Variants in CRIM1 observed in about 807,000 individuals in gnomAD.
CRIM1 encodes the protein cysteine rich transmembrane BMP regulator 1, also known as cysteine-rich motor neuron 1 protein.
CRIM1 carries 32 observed loss-of-function variants against 116.4 expected under a neutral mutation model. The ratio of observed to expected loss-of-function variants is 0.27; its 90% confidence interval spans 0.21 to 0.37. CRIM1 has a LOEUF of 0.37. Among genes scored for constraint, CRIM1 ranks in the 10% least tolerant of loss-of-function variants. The pLI is 1.00. For missense variants in CRIM1, 1,331 were observed against 1,354.8 expected, an observed-to-expected ratio of 0.98 and a Z score of 0.28; for synonymous variants, 590 against 509.2, an observed-to-expected ratio of 1.16 and a Z score of -2.13.
chr2:36,395,175 C>T (rs1671930956), intron 1 of CRIM1, among the ~76,000 whole-genome samples: 1 of 152,056 alleles, frequency 6.6e-6, no homozygotes, highest in South Asian at 2.1e-4. Context: ...CCACCATGTC[C>T]AGCTAATTTT....
At chr2:36,499,071 G>GT in intron 7 of CRIM1, 148 bp from the exon 8 acceptor site, 1 of 635,972 alleles carries the variant, frequency 1.6e-6, no homozygotes, top group African/African-American at 1.8e-5. Context: ...AGGGGTTAAA[G>GT]ATATTACTGG....
chr2:36,435,884 C>G (rs1293728623), intron 2 of CRIM1, among the ~76,000 whole-genome samples: 1 of 149,300 alleles, frequency 6.7e-6, no homozygotes, highest in Admixed American at 6.7e-5. Context: ...ACTTCTGTTG[C>G]AAGTGATATT....
At chr2:36,533,242 G>T (rs756887678) in intron 13 of CRIM1, among the ~76,000 whole-genome samples, 1 of 151,924 alleles carries the variant, frequency 6.6e-6, no homozygotes, top group African/African-American at 2.4e-5. Context: ...TGGCGTTTTC[G>T]CAAATGGGTC....
At chr2:36,440,252 T>G (rs1391110114) in intron 2 of CRIM1, among the ~76,000 whole-genome samples, 2 of 152,230 alleles carry the variant, frequency 1.3e-5, no homozygotes, top group Admixed American at 1.3e-4. Flanking sequence ...GGTGACCTTT[T>G]GGGTCTTATC....
At chr2:36,419,056 T>C (rs1253754039) in intron 2 of CRIM1, among the ~76,000 whole-genome samples, 1 of 152,206 alleles carries the variant, frequency 6.6e-6, no homozygotes, top group African/African-American at 2.4e-5. Context: ...ATCCCTGTAA[T>C]AAATATAAGT....
intron 16 of CRIM1, 72 bp downstream of exon 16, chr2:36,547,243 G>A: frequency 1.6e-6 from 2 of 1,258,720 alleles, no homozygotes; most frequent in Middle Eastern, 2.3e-4. Flanking sequence ...GAAATTGCTT[G>A]AAACCTTGTG....
rs116373239 is a variant in CRIM1, at chr2:36,448,881, A to G, written c.869+6146A>G. 3.0e-3 allele frequency among the ~76,000 whole-genome samples: 464 copies of G among 152,210 alleles called. 3 individuals carry two copies. Among genetic ancestry groups the G allele is most frequent in the African/African-American group, 0.01 (420 of 41,536 alleles). ...TGCATTTCAGAAAGCCAGATTCCCA[A>G]GCTCCCTCCTGGCTCCTGCCTCTCT... is the stretch of plus-strand genomic sequence containing the variant. On this transcript the variant is annotated intron_variant, in intron 4 of 16. Coordinates refer to ENST00000280527, the MANE Select transcript of CRIM1 (RefSeq NM_016441.3).
chr2:36,402,951 T>C lies in CRIM1; in HGVS notation c.505+6164T>C, dbSNP rs570579761. Among the ~76,000 whole-genome samples, 57 of 152,238 alleles carry C rather than the reference T, an allele frequency of 3.7e-4. 1 individual carries two copies. The highest frequency in any genetic ancestry group is 1.3e-3 in the African/African-American group (54 of 41,540). On this transcript the variant is annotated intron_variant, in intron 2 of 16. Coordinates refer to ENST00000280527, the MANE Select transcript of CRIM1 (RefSeq NM_016441.3). ...CAATTTTTAAATGTAATTCAGTAAC[T>C]CATTAAGTAGAATTCATACATACAT...
intron 7 of CRIM1, among the ~76,000 whole-genome samples, chr2:36,496,687 C>T (rs1680619253): frequency 6.6e-6 from 1 of 152,126 alleles, no homozygotes; most frequent in South Asian, 2.1e-4. Flanking sequence ...ACATATTGAA[C>T]ATATTTCCTC....
At chr2:36,365,688 G>A (rs1292052512) in intron 1 of CRIM1, among the ~76,000 whole-genome samples, 5 of 151,956 alleles carry the variant, frequency 3.3e-5, no homozygotes, top group Non-Finnish European at 7.4e-5. Flanking sequence ...AGTTCTTAGT[G>A]TGGGTATGGT....
rs574844817 is a variant in CRIM1 at position 36,513,606 on chromosome 2, G to A, written c.1831G>A (p.Val611Met). The A allele has an allele frequency of 1.4e-5, 23 of 1,614,168 alleles. No individual in the cohort carries two copies. The highest frequency in any genetic ancestry group is 9.9e-5 in the South Asian group (9 of 91,086). Residue 611 changes from valine to methionine, a missense_variant, in exon 11 of 17, where the codon GTG (valine) becomes ATG (methionine). This residue lies in a region of CRIM1 where 358 missense variants were observed against 436.1 expected (regional missense o/e 0.82). Transcript: ENST00000280527. The part of the protein sequence containing the change: ...PPILSGTCLT[V>M]DGHHHKNEES... Reference sequence around the variant, plus strand: ...CATCCTGTCGGGCACTTGTCTCACCGTGGATGGTCATCATCATAAAAATGA... The same window carrying A: ...CATCCTGTCGGGCACTTGTCTCACCATGGATGGTCATCATCATAAAAATGA...
intron 1 of CRIM1, among the ~76,000 whole-genome samples, chr2:36,374,465 C>A (rs1425553289): frequency 6.6e-6 from 1 of 152,120 alleles, no homozygotes; most frequent in Non-Finnish European, 1.5e-5. Context: ...TTGTGTATAA[C>A]CCTGCCTAGT....
intron 1 of CRIM1, among the ~76,000 whole-genome samples, chr2:36,374,585 T>G (rs116615370): frequency 3.3e-5 from 5 of 152,200 alleles, no homozygotes; most frequent in African/African-American, 1.2e-4. Context: ...TTCATTATTA[T>G]GATTTGTCAA....
At chr2:36,541,991 GGCA>G (rs1572967324) in intron 14 of CRIM1, among the ~76,000 whole-genome samples, 1 of 152,168 alleles carries the variant, frequency 6.6e-6, no homozygotes, top group Non-Finnish European at 1.5e-5. Flanking sequence ...ACTGCTCAGA[GGCA>G]GCTTCCCTTT....
intron 4 of CRIM1, among the ~76,000 whole-genome samples, chr2:36,463,796 A>G (rs534158839): frequency 1.3e-5 from 2 of 152,322 alleles, no homozygotes; most frequent in African/African-American, 4.8e-5. Flanking sequence ...CAGCTCATGG[A>G]ACACCCCCAT....
intron 1 of CRIM1, among the ~76,000 whole-genome samples, chr2:36,376,939 ACT>A (rs1361646737): frequency 2.0e-5 from 3 of 151,800 alleles, no homozygotes; most frequent in Non-Finnish European, 2.9e-5. Flanking sequence ...TCTGTGTATC[ACT>A]CTCTCTAATG....
At chr2:36,361,435 A>G (rs1364725045) in intron 1 of CRIM1, among the ~76,000 whole-genome samples, 2 of 152,138 alleles carry the variant, frequency 1.3e-5, no homozygotes, top group African/African-American at 4.8e-5. Context: ...TTGAAGATGC[A>G]ATGACCGGGA....
chr2:36,378,384 C>G, intron 1 of CRIM1: 1 of 471,164 alleles, frequency 2.1e-6, no homozygotes, highest in East Asian at 6.9e-5. Context: ...TGAGGCTGCT[C>G]TCAGCATTAC....
intron 1 of CRIM1, among the ~76,000 whole-genome samples, chr2:36,357,981 T>C (rs1188486000): frequency 2.0e-5 from 3 of 152,218 alleles, no homozygotes; most frequent in African/African-American, 7.2e-5. Context: ...TAGGTACTTA[T>C]TTATACCTGA....
Sources: allele counts gnomAD v4.1 joint callset (sites outside exome capture counted in the v4.1 genomes callset), GRCh38; gene constraint gnomAD v4.1.1; regional missense constraint gnomAD v4.1.1; transcripts MANE v1.5; gene names NCBI Gene and HGNC (gene_info 2026-07-23, HGNC 2026-07-21).